The following NLGN4Y variants were observed in gnomAD, a reference collection of about 807,000 sequenced individuals.
NLGN4Y encodes the protein neuroligin 4 Y-linked, also known as neuroligin-4, Y-linked.
A neutral mutation model predicts 8.4 loss-of-function variants in NLGN4Y; 4 were observed. The ratio of observed to expected loss-of-function variants is 0.48; its 90% confidence interval spans 0.23 to 1.09. NLGN4Y has a LOEUF of 1.09. Among genes scored for constraint, NLGN4Y ranks in the 50% least tolerant of loss-of-function variants. The pLI, the probability that NLGN4Y is intolerant of heterozygous loss-of-function variation, is 0.19. For synonymous variants in NLGN4Y, 35 were observed against 75.6 expected (o/e 0.46, Z 2.78); for missense variants, 90 against 192.3 (o/e 0.47, Z 3.15).
Position 14,845,583 on chromosome Y carries a change from C to CT in NLGN4Y, c.*4323dup. 3.1e-5 allele frequency: 1 copy of CT among 32,756 alleles called. No individual in the cohort carries two copies. The highest frequency in any genetic ancestry group is 7.5e-5 in the Non-Finnish European group (1 of 13,361). 8.2% of individuals were successfully genotyped at this position (32,756 alleles called of 400,897 possible). ...CTATTTTATTAGCTATTGTTCATCT[C>CT]TTACTCCATCTACTTTATAAATTAA... On this transcript the variant is annotated 3_prime_UTR_variant, in exon 7 of 7. Transcript: ENST00000684976.
chrY:14,761,090 A>G (rs2081078633), intron 4 of NLGN4Y, among the ~76,000 whole-genome samples: 1 of 33,518 alleles, frequency 3.0e-5, no homozygotes, highest in Non-Finnish European at 7.4e-5. Context: ...TCATATAAAG[A>G]TAGACAAACA....
intron 2 of NLGN4Y, among the ~76,000 whole-genome samples, chrY:14,644,134 A>G: frequency 3.0e-5 from 1 of 33,391 alleles, no homozygotes; most frequent in African/African-American, 1.2e-4. Flanking sequence ...TTATTCATTT[A>G]TTTATTCACT....
At chrY:14,806,089 T>G (rs2043056203) in intron 4 of NLGN4Y, among the ~76,000 whole-genome samples, 1 of 33,695 alleles carries the variant, frequency 3.0e-5, no homozygotes, top group African/African-American at 1.2e-4. Context: ...TGCAGTGAGC[T>G]GAGCTCATGC....
At chrY:14,765,547 A>G (rs961671198) in intron 4 of NLGN4Y, among the ~76,000 whole-genome samples, 14 of 33,396 alleles carry the variant, frequency 4.2e-4, no homozygotes, top group African/African-American at 1.6e-3. Context: ...AATGAGACTG[A>G]ATGTGTTCAA....
intron 2 of NLGN4Y, among the ~76,000 whole-genome samples, chrY:14,626,096 T>C: frequency 3.0e-5 from 1 of 33,670 alleles, no homozygotes; most frequent in Non-Finnish European, 7.4e-5. Context: ...TTCATAAAGG[T>C]GTGTCCGGAA....
intron 2 of NLGN4Y, among the ~76,000 whole-genome samples, chrY:14,667,689 T>A: frequency 3.0e-5 from 1 of 33,781 alleles, no homozygotes; most frequent in Non-Finnish European, 7.4e-5. Context: ...AATGAATGTA[T>A]AATCGCAGAC....
intron 1 of NLGN4Y, among the ~76,000 whole-genome samples, chrY:14,561,073 C>A: frequency 3.0e-5 from 1 of 32,813 alleles, no homozygotes; most frequent in South Asian, 6.9e-4. Context: ...GTTTATTAAT[C>A]ATAGTTTCTC....
intron 3 of NLGN4Y, among the ~76,000 whole-genome samples, chrY:14,721,926 G>C: frequency 1.2e-4 from 4 of 32,648 alleles, no homozygotes; most frequent in Non-Finnish European, 2.3e-4. Context: ...CAGAGAGCAG[G>C]CTCCACAGAT....
intron 2 of NLGN4Y, among the ~76,000 whole-genome samples, chrY:14,649,937 A>G (rs757728811): frequency 3.0e-5 from 1 of 33,564 alleles, no homozygotes; most frequent in South Asian, 6.5e-4. Flanking sequence ...ATGTGTTTTT[A>G]CTGGACTGTC....
At position 14,703,638 on chromosome Y, in the gene NLGN4Y, A is replaced by T; in HGVS notation, c.473-15821A>T. Reference sequence around the variant, plus strand: ...CTTTTGGCTTAGGATTGTTTTGGCAATGCAGGCTCTTTTTTGGTTCCATAT... The same window carrying T: ...CTTTTGGCTTAGGATTGTTTTGGCATTGCAGGCTCTTTTTTGGTTCCATAT... On this transcript the variant is annotated intron_variant, in intron 2 of 6. Coordinates refer to ENST00000684976, the MANE Select transcript of NLGN4Y (RefSeq NM_001365588.1). Among the ~76,000 whole-genome samples the T allele has an allele frequency of 9.0e-5, 3 of 33,517 alleles. No individual in the cohort carries two copies. In the South Asian group the frequency reaches 2.0e-3, roughly 22 times the overall value. 89.9% of individuals were successfully genotyped at this position (33,517 alleles called of 37,273 possible).
chrY:14,836,456 G>A (rs566649518), intron 6 of NLGN4Y, among the ~76,000 whole-genome samples: 10 of 31,282 alleles, frequency 3.2e-4, no homozygotes, highest in African/African-American at 7.4e-4. Flanking sequence ...GAAAGAGATC[G>A]GCAAAAAGGA....
At chrY:14,532,462 T>C in intron 1 of NLGN4Y, among the ~76,000 whole-genome samples, 1 of 33,380 alleles carries the variant, frequency 3.0e-5, no homozygotes, top group Admixed American at 2.7e-4. Context: ...AGCTTTTTTA[T>C]TGGAGGAGCT....
intron 2 of NLGN4Y, among the ~76,000 whole-genome samples, chrY:14,624,846 T>C: frequency 3.0e-5 from 1 of 33,541 alleles, no homozygotes; most frequent in Non-Finnish European, 7.4e-5. Context: ...GGCATCACGC[T>C]GATTCTCTCC....
At chrY:14,806,824 C>A (rs758028534) in intron 4 of NLGN4Y, among the ~76,000 whole-genome samples, 1 of 27,611 alleles carries the variant, frequency 3.6e-5, no homozygotes, top group Admixed American at 3.3e-4. Flanking sequence ...ATCAAACATC[C>A]CTCCTGCTTA....
intron 1 of NLGN4Y, among the ~76,000 whole-genome samples, chrY:14,617,967 G>A (rs2080496064): frequency 3.3e-5 from 1 of 30,482 alleles, no homozygotes; most frequent in Admixed American, 3.1e-4. Flanking sequence ...TGTCTCAGGT[G>A]GACTTCAGAG....
intron 4 of NLGN4Y, among the ~76,000 whole-genome samples, chrY:14,799,332 G>A (rs2043022940): frequency 3.0e-5 from 1 of 33,450 alleles, no homozygotes; most frequent in Non-Finnish European, 7.4e-5. Flanking sequence ...ACCCCCATCC[G>A]CCATATATAC....
intron 1 of NLGN4Y, among the ~76,000 whole-genome samples, chrY:14,563,172 C>T (rs2080240632): frequency 5.9e-5 from 2 of 33,837 alleles, no homozygotes; most frequent in Non-Finnish European, 1.5e-4. Context: ...ATGATATTGG[C>T]TGCAGGTTTT....
intron 2 of NLGN4Y, among the ~76,000 whole-genome samples, chrY:14,663,612 C>T (rs2150525076): frequency 3.1e-5 from 1 of 32,547 alleles, no homozygotes; most frequent in Non-Finnish European, 7.5e-5. Context: ...GAGTTTGAGA[C>T]GAGCTTGACT....
chrY:14,631,407 G>C, intron 2 of NLGN4Y, among the ~76,000 whole-genome samples: 1 of 33,700 alleles, frequency 3.0e-5, no homozygotes, highest in Non-Finnish European at 7.3e-5. Flanking sequence ...AGCCTTCCAG[G>C]CTGGTCTGGA....
Sources: allele counts gnomAD v4.1 joint callset (sites outside exome capture counted in the v4.1 genomes callset), GRCh38; gene constraint gnomAD v4.1.1; transcripts MANE v1.5; gene names NCBI Gene and HGNC (gene_info 2026-07-23, HGNC 2026-07-21).